The following NT5C3B variants were observed in gnomAD, a reference collection of about 807,000 sequenced individuals.
NT5C3B encodes 5'-nucleotidase, cytosolic IIIB.
In NT5C3B, 28 loss-of-function variants were observed where a neutral mutation model predicts 32.5. That is an observed-to-expected ratio of 0.86 (90% CI 0.64 to 1.18). The LOEUF (loss-of-function observed/expected upper bound fraction) is 1.18. Among genes scored for constraint, NT5C3B ranks in the 50% most tolerant of loss-of-function variants. NT5C3B has a pLI of 0.00. For synonymous variants in NT5C3B, 138 were observed against 118.0 expected, an observed-to-expected ratio of 1.17 and a Z score of -1.10; for missense variants, 317 against 322.0, an observed-to-expected ratio of 0.98 and a Z score of 0.12.
chr17:41,828,460 C>T (rs963492118), intron 7 of NT5C3B: 2 of 190,770 alleles, frequency 1.0e-5, no homozygotes, highest in East Asian at 1.3e-4. Flanking sequence ...GCCTCAGCCT[C>T]GAAGGAGCTG....
intron 4 of NT5C3B, 81 bp downstream of exon 4, chr17:41,834,989 C>T: frequency 1.5e-6 from 2 of 1,374,100 alleles, no homozygotes; most frequent in Non-Finnish European, 2.1e-6. Context: ...GGTCTCTATA[C>T]TGGAATCTTT....
chr17:41,831,434 T>C (rs1244815501), intron 5 of NT5C3B, among the ~76,000 whole-genome samples: 2 of 151,736 alleles, frequency 1.3e-5, no homozygotes. Context: ...CCGTGAACCC[T>C]CTATCTGGAG....
chr17:41,835,120 G>A lies in NT5C3B; in HGVS notation c.182-4C>T, dbSNP rs782735776. ...ATCTTGCTATTATCCAGAATATCTG[G>A]AAAAAGAGAAAACTCCTTTTACTTG... On this transcript the variant is annotated splice_polypyrimidine_tract_variant and splice_region_variant and intron_variant, in intron 3 of 8. Transcript: ENST00000435506. 9.9e-6 allele frequency: 16 copies of A among 1,613,958 alleles called. No individual in the cohort carries two copies. Among genetic ancestry groups the A allele is most frequent in the Non-Finnish European group, 1.2e-5 (14 of 1,179,998 alleles).
At chr17:41,833,621 T>C (rs2048089377) in intron 4 of NT5C3B, among the ~76,000 whole-genome samples, 1 of 152,100 alleles carries the variant, frequency 6.6e-6, no homozygotes, top group Admixed American at 6.6e-5. Context: ...ACCCGGCCTG[T>C]TTCTTTATAA....
intron 7 of NT5C3B, 79 bp downstream of exon 7, chr17:41,828,710 AG>A (rs2048003837): frequency 7.8e-7 from 1 of 1,284,324 alleles, no homozygotes; most frequent in Non-Finnish European, 1.1e-6. Flanking sequence ...TCCCCAGGTT[AG>A]GGTTCATGCA....
intron 8 of NT5C3B, among the ~76,000 whole-genome samples, chr17:41,826,211 ATTTCTTTCTTTC>A (rs58327354): frequency 6.7e-6 from 1 of 150,350 alleles, no homozygotes; most frequent in Non-Finnish European, 1.5e-5. Flanking sequence ...TCTGGACTGA[ATTTCTTTCTTTC>A]TTTCTTTCTT....
chr17:41,828,774 A>T lies in NT5C3B; in HGVS notation c.567+16T>A. 1 of 1,608,028 alleles carries T rather than the reference A, an allele frequency of 6.2e-7. No individual in the cohort carries two copies. Among genetic ancestry groups the T allele is most frequent in the Non-Finnish European group, 8.5e-7 (1 of 1,175,606 alleles). On this transcript the variant is annotated intron_variant, in intron 7 of 8. Coordinates refer to ENST00000435506, the MANE Select transcript of NT5C3B (RefSeq NM_052935.5). Reference sequence around the variant, plus strand: ...CACCCCTCGTCCTTTCCCAGCCCAAACAGGATTTGGCTCACATCTTCATTA... The same window carrying T: ...CACCCCTCGTCCTTTCCCAGCCCAATCAGGATTTGGCTCACATCTTCATTA...
intron 4 of NT5C3B, among the ~76,000 whole-genome samples, chr17:41,834,361 C>T (rs1555619481): frequency 6.8e-6 from 1 of 147,576 alleles, no homozygotes; most frequent in African/African-American, 2.5e-5. Flanking sequence ...CAGCCTGGGC[C>T]ATAGAGCAAG....
At chr17:41,831,010 G>A (rs1242631046) in intron 5 of NT5C3B, 120 bp from the exon 6 acceptor site, 17 of 708,336 alleles carry the variant, frequency 2.4e-5, no homozygotes, top group African/African-American at 9.0e-5. Flanking sequence ...TCATCCTTAC[G>A]TTAGCTGCCC....
At chr17:41,825,975 G>A (rs1555618079) in intron 8 of NT5C3B, among the ~76,000 whole-genome samples, 1 of 152,072 alleles carries the variant, frequency 6.6e-6, no homozygotes, top group African/African-American at 2.4e-5. Flanking sequence ...ACCAGCCCAG[G>A]CAACATGGCA....
At chr17:41,828,340 T>G (rs1414132485) in intron 7 of NT5C3B, 4 of 155,666 alleles carry the variant, frequency 2.6e-5, no homozygotes, top group South Asian at 2.0e-4. Flanking sequence ...AGTTTTTTTG[T>G]TTTTGTTTTT....
chr17:41,836,219 C>G lies in NT5C3B; in HGVS notation c.-26G>C. On this transcript the variant is annotated 5_prime_UTR_variant, in exon 1 of 9. Transcript: ENST00000435506. ...CCCGTTCGAGGCCTGGTCGGCGGCT[C>G]GCGGGACAACGACAGCCCCGCGACC... 1 of 1,237,356 alleles carries G rather than the reference C, an allele frequency of 8.1e-7. No individual in the cohort carries two copies. The highest frequency in any genetic ancestry group is 1.0e-6 in the Non-Finnish European group (1 of 992,324). 76.6% of individuals were successfully genotyped at this position (1,237,356 alleles called of 1,614,324 possible).
intron 8 of NT5C3B, among the ~76,000 whole-genome samples, chr17:41,826,924 T>A (rs1355246285): frequency 6.9e-6 from 1 of 145,620 alleles, no homozygotes; most frequent in East Asian, 2.0e-4. Context: ...CACTTGAACC[T>A]GGGAGGTGGA....
At chr17:41,832,644 G>C (rs147602157) in intron 4 of NT5C3B, 167 bp from the exon 5 acceptor site, 5 of 480,856 alleles carry the variant, frequency 1.0e-5, no homozygotes, top group Non-Finnish European at 1.9e-5. Flanking sequence ...GAGGCAGGTG[G>C]ATCACTTGAG....
intron 7 of NT5C3B, 143 bp from the exon 8 acceptor site, chr17:41,827,769 C>T: frequency 1.6e-6 from 1 of 620,538 alleles, no homozygotes; most frequent in Middle Eastern, 4.1e-4. Context: ...AACTACGGCC[C>T]ATGGGCCAGA....
intron 6 of NT5C3B, 22 bp from the exon 7 acceptor site, chr17:41,828,974 C>G: frequency 6.3e-7 from 1 of 1,595,770 alleles, no homozygotes; most frequent in Non-Finnish European, 8.6e-7. Flanking sequence ...TGGAGGAATT[C>G]TGAAATGGCA....
chr17:41,827,618 G>C lies in NT5C3B; in HGVS notation c.576C>G (p.Leu192=). Residue 192 remains leucine (L), a synonymous_variant, in exon 8 of 9, where the codon CTC becomes CTG. Transcript: ENST00000435506. The part of the protein sequence containing the change: ...NYMDFNEDGF[L]QGFKGQLIHT... Reference sequence around the variant, plus strand: ...GTATGAGCTGGCCCTTAAATCCCTGGAGAAAACCCTAAATAATGAAGACAA... The same window carrying C: ...GTATGAGCTGGCCCTTAAATCCCTGCAGAAAACCCTAAATAATGAAGACAA... 1 of 858,880 alleles carries C rather than the reference G, an allele frequency of 1.2e-6. No individual in the cohort carries two copies. Among genetic ancestry groups the C allele is most frequent in the Non-Finnish European group, 2.0e-6 (1 of 488,958 alleles). 53.2% of individuals were successfully genotyped at this position (858,880 alleles called of 1,614,324 possible).
At chr17:41,835,342 G>C (rs2048129572) in intron 2 of NT5C3B, 70 bp from the exon 3 acceptor site, 1 of 1,346,802 alleles carries the variant, frequency 7.4e-7, no homozygotes, top group South Asian at 1.2e-5. Context: ...CTCAGCCTGG[G>C]GGATGATTAT....
chr17:41,832,541 A>G lies in NT5C3B; in HGVS notation c.229-64T>C, dbSNP rs1555619209. ...ATCAAGTTCTTCCCAGCAACGTCCT[A>G]CAGCTTAGTATGAGAAAAAAGTCAC... On this transcript the variant is annotated intron_variant, in intron 4 of 8. Transcript: ENST00000435506. The G allele has an allele frequency of 2.1e-6, 3 of 1,461,432 alleles. No homozygotes were observed. In the African/African-American group the frequency reaches 4.2e-5, roughly 20 times the overall value. The allele number at this position is 1,461,432 out of a possible 1,614,324, so 90.5% of individuals were successfully genotyped here.
Sources: allele counts gnomAD v4.1 joint callset (sites outside exome capture counted in the v4.1 genomes callset), GRCh38; gene constraint gnomAD v4.1.1; transcripts MANE v1.5; gene names NCBI Gene and HGNC (gene_info 2026-07-23, HGNC 2026-07-21).